The following SPON2 variants were observed in gnomAD, a reference collection of about 807,000 sequenced individuals.
SPON2 encodes spondin-2.
A neutral mutation model predicts 29.9 loss-of-function variants in SPON2; 32 were observed. The ratio of observed to expected loss-of-function variants is 1.07; its 90% confidence interval spans 0.81 to 1.44. The LOEUF (loss-of-function observed/expected upper bound fraction) is 1.44, where lower values mean the gene tolerates loss of function less well. Ranked by LOEUF, SPON2 falls within the 40% of genes most tolerant of loss-of-function variation. The probability of loss-of-function intolerance (pLI) is 0.00; values close to 1 mark genes in which losing one functional copy is unlikely to be tolerated. For missense variants in SPON2, 541 were observed against 455.5 expected, an observed-to-expected ratio of 1.19 and a Z score of -1.71; for synonymous variants, 248 against 209.1, an observed-to-expected ratio of 1.19 and a Z score of -1.61.
chr4:1,172,126 G>A (rs1273870526), intron 1 of SPON2, 52 bp from the exon 2 acceptor site: 2 of 1,535,116 alleles, frequency 1.3e-6, no homozygotes, highest in Non-Finnish European at 1.8e-6. Context: ...TGGCAGCCTC[G>A]GGGTGGAAAG....
chr4:1,186,040 C>A (rs190152535), intron 1 of SPON2, among the ~76,000 whole-genome samples: 6 of 149,718 alleles, frequency 4.0e-5, no homozygotes, highest in African/African-American at 7.3e-5. Context: ...GTCAGGAGAT[C>A]GAGACCATCC....
chr4:1,176,064 G>A (rs541145010), upstream of SPON2, among the ~76,000 whole-genome samples: 2 of 152,232 alleles, frequency 1.3e-5, no homozygotes, highest in South Asian at 2.1e-4. Context: ...TTAATTTTCT[G>A]GATCCTGTGG....
At chr4:1,170,846 C>T in intron 4 of SPON2, 153 bp downstream of exon 4, 1 of 1,157,486 alleles carries the variant, frequency 8.6e-7, no homozygotes, top group South Asian at 1.3e-5. Flanking sequence ...GCTGCACCCC[C>T]TTGCTCACTG....
At chr4:1,173,445 T>A (rs1376215624), upstream of SPON2, among the ~76,000 whole-genome samples, 7 of 152,090 alleles carry the variant, frequency 4.6e-5, no homozygotes. Flanking sequence ...AGGCCGGCGG[T>A]GTGTGCGGTG....
chr4:1,177,836 A>C (rs1727632712), upstream of SPON2, among the ~76,000 whole-genome samples: 1 of 151,974 alleles, frequency 6.6e-6, no homozygotes, highest in Non-Finnish European at 1.5e-5. Context: ...ACACCAGCTG[A>C]CTCAGACGCG....
rs144154169 is a variant in SPON2, at chr4:1,184,150, G to A, written c.-238-4609C>T. ...TACCACCATGCCCAGCTAATTTTTC[G>A]TAGAGACCAGGTTTCACCATGTTGC... On this transcript the variant is annotated intron_variant, in intron 1 of 3. Coordinates refer to the SPON2 transcript ENST00000502483. Among the ~76,000 whole-genome samples the A allele has an allele frequency of 5.9e-3, 896 of 152,052 alleles. 6 individuals are homozygous for A. Among genetic ancestry groups the A allele is most frequent in the African/African-American group, 0.019 (790 of 41,484 alleles).
chr4:1,178,185 C>T (rs866540768), upstream of SPON2, among the ~76,000 whole-genome samples: 25 of 146,826 alleles, frequency 1.7e-4, 2 homozygotes, highest in African/African-American at 5.6e-4. Context: ...GGGCTCTGCA[C>T]ACACCGAGGG....
At chr4:1,186,160 T>C (rs9884458) in intron 1 of SPON2, among the ~76,000 whole-genome samples, 23,058 of 148,050 alleles carry the variant, frequency 0.16, 2,358 homozygotes, top group African/African-American at 0.3. Context: ...AGGAGAATGG[T>C]GTGAACCTGG....
chr4:1,197,938 C>G (rs1728104891), upstream of SPON2, among the ~76,000 whole-genome samples: 1 of 151,406 alleles, frequency 6.6e-6, no homozygotes, highest in Non-Finnish European at 1.5e-5. Flanking sequence ...GTCCCAGCTA[C>G]TTGGGAGGCT....
At chr4:1,172,354 T>A in intron 1 of SPON2, 190 bp downstream of exon 1, 1 of 543,488 alleles carries the variant, frequency 1.8e-6, no homozygotes, top group Non-Finnish European at 3.3e-6. Context: ...GGGTGCGGCC[T>A]CCGGGATGCC....
upstream of SPON2, among the ~76,000 whole-genome samples, chr4:1,198,120 C>A (rs998893707): frequency 1.3e-5 from 2 of 151,048 alleles, no homozygotes; most frequent in African/African-American, 4.9e-5. Flanking sequence ...AATAAAAAAA[C>A]CCACACATGA....
At chr4:1,167,744 A>C in intron 5 of SPON2, 88 bp from the exon 6 acceptor site, 1 of 1,423,138 alleles carries the variant, frequency 7.0e-7, no homozygotes, top group Non-Finnish European at 9.4e-7. Flanking sequence ...CAACGTGTGC[A>C]TTCATCAGAG....
At position 1,167,356 on chromosome 4, in the gene SPON2, C is replaced by A; in HGVS notation, c.*116G>T. The A allele has an allele frequency of 8.9e-7, 1 of 1,121,330 alleles. No homozygotes were observed. The highest frequency in any genetic ancestry group is 1.3e-6 in the Non-Finnish European group (1 of 788,586). 69.5% of individuals were successfully genotyped at this position (1,121,330 alleles called of 1,614,324 possible). A position where few individuals can be genotyped will look rare whatever the true frequency, so the allele number is the denominator to read the frequency against. ...AGAGATGGTCGGCGCGGCCTCACCGCGGTCAGGAGCAGCGCGAAACCCCCT... is the reference window on the plus strand; with the variant it reads ...AGAGATGGTCGGCGCGGCCTCACCGAGGTCAGGAGCAGCGCGAAACCCCCT... On this transcript the variant is annotated 3_prime_UTR_variant, in exon 6 of 6. Transcript: ENST00000290902.
chr4:1,198,251 T>A (rs1375117600), upstream of SPON2, among the ~76,000 whole-genome samples: 1 of 152,088 alleles, frequency 6.6e-6, no homozygotes, highest in Non-Finnish European at 1.5e-5. Context: ...AAGTCCAGAA[T>A]GACTCTGGAT....
chr4:1,185,973 G>GCT (rs1560207468), intron 1 of SPON2, among the ~76,000 whole-genome samples: 17 of 150,994 alleles, frequency 1.1e-4, no homozygotes, highest in Admixed American at 4.6e-4. Context: ...GGCCGGGCGT[G>GCT]GTGGCTCACG....
At chr4:1,171,614 C>A (rs1202924649) in intron 2 of SPON2, 128 bp from the exon 3 acceptor site, 2 of 1,030,586 alleles carry the variant, frequency 1.9e-6, no homozygotes, top group Admixed American at 5.0e-5. Context: ...TCACGTCGGA[C>A]CGTGACACCC....
At position 1,200,515 on chromosome 4, in the gene SPON2, C is replaced by T. The variant is rs183527558; in HGVS notation, c.-234+7365G>A. 4.6e-3 allele frequency: 1,396 copies of T among 304,416 alleles called. 47 individuals are homozygous for T. The highest frequency in any genetic ancestry group is 0.033 in the South Asian group (1,155 of 34,576). The allele number at this position is 304,416 out of a possible 1,614,324, so 18.9% of individuals were successfully genotyped here. On this transcript the variant is annotated intron_variant, in intron 1 of 3. Coordinates refer to the SPON2 transcript ENST00000509233. ...GGGGCGGGGGCGGGCTCAGCCTCTG[C>T]GCTTCTGCCTCCAGGATGTTATGGA...
At chr4:1,192,514 A>AG (rs1225061937) in intron 1 of SPON2, among the ~76,000 whole-genome samples, 8 of 152,196 alleles carry the variant, frequency 5.3e-5, no homozygotes, top group African/African-American at 1.7e-4. Flanking sequence ...TAGGGTGAGA[A>AG]GGCTGAGTGC....
At chr4:1,175,235 G>A (rs1049529284), upstream of SPON2, among the ~76,000 whole-genome samples, 3 of 152,256 alleles carry the variant, frequency 2.0e-5, no homozygotes, top group Non-Finnish European at 4.4e-5. Context: ...GAGGCGCCGG[G>A]TCTGGGGCAT....
Sources: allele counts gnomAD v4.1 joint callset (sites outside exome capture counted in the v4.1 genomes callset), GRCh38; gene constraint gnomAD v4.1.1; transcripts MANE v1.5; gene names NCBI Gene and HGNC (gene_info 2026-07-23, HGNC 2026-07-21).